PRUNE2: variants seen among roughly 807,000 people sequenced by gnomAD.
PRUNE2 encodes the protein prune homolog 2 with BCH domain, also known as protein prune homolog 2.
Under a neutral mutation model 252.0 loss-of-function variants are expected in PRUNE2, and 164 were observed. The observed-to-expected ratio is 0.65, with a 90% CI of 0.57 to 0.74. The LOEUF (loss-of-function observed/expected upper bound fraction) is 0.74. Among genes scored for constraint, PRUNE2 ranks in the 30% least tolerant of loss-of-function variants. The pLI is 0.00. For missense variants in PRUNE2, 3,495 were observed against 3,711.0 expected (o/e 0.94, Z 1.51); for synonymous variants, 1,292 against 1,350.2 (o/e 0.96, Z 0.94).
intron 11 of PRUNE2, among the ~76,000 whole-genome samples, chr9:76,646,124 G>A (rs959185029): frequency 6.6e-6 from 1 of 152,116 alleles, no homozygotes; most frequent in Non-Finnish European, 1.5e-5. Flanking sequence ...ATTTTACAAA[G>A]AGACTGTGAG....
chr9:76,705,788 A>T lies in PRUNE2; in HGVS notation c.6486T>A (p.Ser2162=). 1 of 1,613,934 alleles carries T rather than the reference A, an allele frequency of 6.2e-7. No individual in the cohort carries two copies. Among genetic ancestry groups the T allele is most frequent in the Non-Finnish European group, 8.5e-7 (1 of 1,179,890 alleles). ...TTGGAGGCAGCACAGTTGCGTTTTC[A>T]GAATCGAGTTCTGCATTGGATGGGA... ...EFVPSNAELD[S]ENATVLPPIG... Residue 2162 remains serine, a synonymous_variant, in exon 8 of 19, where the codon TCT becomes TCA. Coordinates refer to ENST00000376718, the MANE Select transcript of PRUNE2 (RefSeq NM_015225.3).
intron 15 of PRUNE2, among the ~76,000 whole-genome samples, chr9:76,631,425 T>G (rs1427966601): frequency 6.6e-6 from 1 of 152,202 alleles, no homozygotes; most frequent in Non-Finnish European, 1.5e-5. Flanking sequence ...CCTTTAAAAC[T>G]CACCTGGAGG....
intron 9 of PRUNE2, among the ~76,000 whole-genome samples, chr9:76,702,050 A>C (rs7018971): frequency 0.7 from 105,734 of 151,284 alleles, 37,737 homozygotes; most frequent in East Asian, 0.85. Flanking sequence ...TAGCAAAAAT[A>C]TATCTTTTCT....
Position 76,730,630 on chromosome 9 carries a change from G to A in PRUNE2, c.757-16909C>T, listed in dbSNP as rs566212562. Among the ~76,000 whole-genome samples, 21 of 152,316 alleles carry A rather than the reference G, an allele frequency of 1.4e-4. No individual in the cohort carries two copies. The South Asian group carries it at 2.9e-3, about 21-fold the overall frequency. On this transcript the variant is annotated intron_variant, in intron 6 of 18. Transcript: ENST00000376718. ...TAAAAGATGAAAGAGGGCCGGGTACGGTGGCTCACGCCTGTAATCCTGGCA... is the reference window on the plus strand; with the variant it reads ...TAAAAGATGAAAGAGGGCCGGGTACAGTGGCTCACGCCTGTAATCCTGGCA...
chr9:76,639,351 C>T (rs909438893), intron 12 of PRUNE2, among the ~76,000 whole-genome samples: 2 of 151,986 alleles, frequency 1.3e-5, no homozygotes, highest in Non-Finnish European at 2.9e-5. Context: ...ATTAGCCAAG[C>T]GTGGTGGCAC....
At chr9:76,902,139 T>C (rs991954447) in intron 1 of PRUNE2, among the ~76,000 whole-genome samples, 3 of 152,198 alleles carry the variant, frequency 2.0e-5, no homozygotes, top group African/African-American at 7.2e-5. Flanking sequence ...CATCCCCAGA[T>C]GATTCCTCAT....
At chr9:76,626,096 A>G (rs1834627148) in intron 16 of PRUNE2, among the ~76,000 whole-genome samples, 1 of 152,226 alleles carries the variant, frequency 6.6e-6, no homozygotes, top group Admixed American at 6.5e-5. Context: ...TTATATATTG[A>G]TTGATTGATG....
intron 6 of PRUNE2, among the ~76,000 whole-genome samples, chr9:76,791,771 T>C (rs1003528692): frequency 3.9e-5 from 6 of 151,994 alleles, no homozygotes; most frequent in Non-Finnish European, 8.8e-5. Flanking sequence ...TACAATGGAT[T>C]TGGAAGAATA....
At chr9:76,905,394 G>C (rs1156821130) in intron 1 of PRUNE2, among the ~76,000 whole-genome samples, 1 of 152,198 alleles carries the variant, frequency 6.6e-6, no homozygotes, top group Non-Finnish European at 1.5e-5. Flanking sequence ...GAATTAGCGA[G>C]ACACAAGACA....
intron 6 of PRUNE2, among the ~76,000 whole-genome samples, chr9:76,735,742 A>G (rs1483639097): frequency 6.6e-6 from 1 of 152,228 alleles, no homozygotes; most frequent in Non-Finnish European, 1.5e-5. Context: ...TTTTCTACAT[A>G]TGATCAAAAT....
intron 9 of PRUNE2, among the ~76,000 whole-genome samples, chr9:76,660,912 C>G (rs1364110042): frequency 1.3e-5 from 2 of 151,524 alleles, no homozygotes; most frequent in African/African-American, 2.4e-5. Flanking sequence ...AAGATGAGCT[C>G]ATATAAAAAA....
intron 4 of PRUNE2, among the ~76,000 whole-genome samples, chr9:76,836,997 G>T (rs2059021079): frequency 6.6e-6 from 1 of 152,156 alleles, no homozygotes; most frequent in South Asian, 2.1e-4. Context: ...ACATTGATAT[G>T]TAGCTACAGC....
At chr9:76,873,441 T>C (rs899729052) in intron 1 of PRUNE2, among the ~76,000 whole-genome samples, 2 of 152,210 alleles carry the variant, frequency 1.3e-5, no homozygotes, top group African/African-American at 4.8e-5. Flanking sequence ...AAAGTAACTC[T>C]AATATCCAAA....
At chr9:76,704,192 G>A in intron 8 of PRUNE2, 93 bp from the exon 9 acceptor site, 2 of 655,564 alleles carry the variant, frequency 3.1e-6, no homozygotes, top group Non-Finnish European at 4.5e-6. Context: ...ATCTAAAAGA[G>A]GTAATTTAAT....
intron 6 of PRUNE2, among the ~76,000 whole-genome samples, chr9:76,800,746 G>A (rs1167916874): frequency 2.6e-5 from 4 of 152,192 alleles, no homozygotes; most frequent in Non-Finnish European, 5.9e-5. Context: ...TGGATGGATA[G>A]AGAAGCAAGG....
intron 15 of PRUNE2, among the ~76,000 whole-genome samples, chr9:76,632,902 G>C (rs573782747): frequency 6.6e-6 from 1 of 152,116 alleles, no homozygotes; most frequent in Non-Finnish European, 1.5e-5. Context: ...TTTTAAGGTG[G>C]TTTAAAAAAT....
intron 2 of PRUNE2, among the ~76,000 whole-genome samples, chr9:76,851,126 T>G (rs920473113): frequency 6.6e-6 from 1 of 151,944 alleles, no homozygotes; most frequent in African/African-American, 2.4e-5. Flanking sequence ...ATTAGGACAA[T>G]TGAGGCAGGG....
intron 10 of PRUNE2, among the ~76,000 whole-genome samples, chr9:76,654,693 T>A (rs368615769): frequency 1.4e-4 from 22 of 152,358 alleles, no homozygotes; most frequent in Middle Eastern, 6.8e-3. Context: ...AAGATTCAAA[T>A]AAACATACTG....
At position 76,623,529 on chromosome 9, in the gene PRUNE2, G is replaced by A. The variant is rs375302752; in HGVS notation, c.9188+923C>T. ...AGGATGGTCTCGATCTCCTGACCTC[G>A]TGATCCACCCATCTCGGCCTCCCAA... is the stretch of plus-strand genomic sequence containing the variant. On this transcript the variant is annotated intron_variant, in intron 17 of 18. Transcript: ENST00000376718. 1.2e-4 allele frequency among the ~76,000 whole-genome samples: 18 copies of A among 152,170 alleles called. No individual in the cohort carries two copies. In the South Asian group the frequency reaches 1.5e-3, roughly 12 times the overall value.
Sources: gnomAD v4.1 joint callset for allele counts (sites outside exome capture counted in the v4.1 genomes callset) on GRCh38, gnomAD v4.1.1 for gene constraint, MANE v1.5 for transcripts, NCBI Gene and HGNC (gene_info 2026-07-23, HGNC 2026-07-21) for gene names.